The following LRP5 variants were observed in gnomAD, a reference collection of about 807,000 sequenced individuals.
The protein encoded by LRP5 is LDL receptor related protein 5.
A neutral mutation model predicts 154.1 loss-of-function variants in LRP5; 62 were observed. The ratio of observed to expected loss-of-function variants is 0.40; its 90% confidence interval spans 0.33 to 0.50. The LOEUF (loss-of-function observed/expected upper bound fraction) is 0.50, where lower values mean the gene tolerates loss of function less well. Ranked by LOEUF, LRP5 falls within the 20% of genes least tolerant of loss-of-function variation. The probability of loss-of-function intolerance (pLI) is 0.55; values close to 1 mark genes in which losing one functional copy is unlikely to be tolerated. For missense variants in LRP5, 1,915 were observed against 2,336.7 expected (o/e 0.82, Z 3.72); for synonymous variants, 966 against 1,011.5 (o/e 0.96, Z 0.85).
At chr11:68,401,560 A>G (rs867658386) in intron 7 of LRP5, among the ~76,000 whole-genome samples, 3 of 152,188 alleles carry the variant, frequency 2.0e-5, no homozygotes, top group Admixed American at 1.3e-4. Flanking sequence ...TGAGCCCCTC[A>G]GTTACAGGTG....
chr11:68,328,263 T>C (rs560159892), intron 1 of LRP5, among the ~76,000 whole-genome samples: 15 of 152,362 alleles, frequency 9.8e-5, no homozygotes, highest in African/African-American at 3.6e-4. Context: ...AAAGTAGAGC[T>C]GCCACGTTTT....
At chr11:68,429,178 C>T (rs989386853) in intron 16 of LRP5, among the ~76,000 whole-genome samples, 4 of 150,082 alleles carry the variant, frequency 2.7e-5, no homozygotes, top group Non-Finnish European at 3.0e-5. Context: ...GTTCGACCCA[C>T]GGAGATCAAG....
Position 68,413,793 on chromosome 11 carries a change from C to CG in LRP5, c.2611dup (p.Ala871GlyfsTer5), listed in dbSNP as rs762823842. 1 of 1,613,364 alleles carries CG rather than the reference C, an allele frequency of 6.2e-7. No homozygotes were observed. The highest frequency in any genetic ancestry group is 1.3e-5 in the African/African-American group (1 of 74,918). On this transcript the variant is annotated frameshift_variant, in exon 12 of 23. Coordinates refer to ENST00000294304, the MANE Select transcript of LRP5 (RefSeq NM_002335.4). LOFTEE classifies it high-confidence loss of function. This position sits in a 1 kb window ranked among gnomAD's most constrained non-coding sequence, Gnocchi z 5.1. ...AGACTGGAATCTGCACAGCATTGAG[C>CG]GGGCCGACAAGACTAGCGGCCGGAA...
At chr11:68,389,042 C>G (rs1017422816) in intron 6 of LRP5, among the ~76,000 whole-genome samples, 1 of 150,230 alleles carries the variant, frequency 6.7e-6, no homozygotes, top group Non-Finnish European at 1.5e-5. Flanking sequence ...TCTACCAACA[C>G]TGACATTTAC....
At chr11:68,380,609 G>A (rs58373012) in intron 5 of LRP5, among the ~76,000 whole-genome samples, 7,026 of 152,272 alleles carry the variant, frequency 0.046, 543 homozygotes, top group African/African-American at 0.16. Context: ...CTGCACGCAC[G>A]GCGGGCTGTT....
chr11:68,369,150 A>G (rs1344167470), intron 5 of LRP5, among the ~76,000 whole-genome samples: 5 of 152,140 alleles, frequency 3.3e-5, no homozygotes, highest in African/African-American at 1.2e-4. Flanking sequence ...TGCCTGAACA[A>G]TATCTTATCA....
intron 5 of LRP5, among the ~76,000 whole-genome samples, chr11:68,372,292 G>A (rs1469214164): frequency 6.9e-6 from 1 of 145,946 alleles, no homozygotes; most frequent in East Asian, 2.1e-4. Flanking sequence ...AGGCAGACCC[G>A]GGACTGTGGT....
At chr11:68,415,328 A>G (rs1173036092) in intron 12 of LRP5, among the ~76,000 whole-genome samples, 1 of 152,170 alleles carries the variant, frequency 6.6e-6, no homozygotes, top group Non-Finnish European at 1.5e-5. Flanking sequence ...TCCGCAGTTC[A>G]CTGGTGCACA....
At position 68,449,035 on chromosome 11, in the gene LRP5, C is replaced by T. The variant is rs774727824; in HGVS notation, c.4813C>T (p.Pro1605Ser). The T allele has an allele frequency of 6.3e-7, 1 of 1,583,058 alleles. No homozygotes were observed. The highest frequency in any genetic ancestry group is 8.6e-7 in the Non-Finnish European group (1 of 1,167,590). Reference sequence around the variant, plus strand: ...CGAGAGGAGCTACTTCCATCTCTTCCCGCCCCCTCCGTCCCCCTGCACGGA... The same window carrying T: ...CGAGAGGAGCTACTTCCATCTCTTCTCGCCCCCTCCGTCCCCCTGCACGGA... ...ATERSYFHLF[P>S]PPPSPCTDSS is the part of the protein sequence containing the mutation. The change falls in exon 23 of 23, where the codon CCG becomes TCG. Residue 1605 changes from proline (P) to serine (S), a missense_variant. This residue lies in a region of LRP5 where 1,094 missense variants were observed against 1,210.1 expected (regional missense o/e 0.90). Coordinates refer to ENST00000294304, the MANE Select transcript of LRP5 (RefSeq NM_002335.4).
intron 21 of LRP5, 87 bp from the exon 22 acceptor site, chr11:68,446,349 T>C: frequency 1.0e-6 from 1 of 965,646 alleles, no homozygotes; most frequent in Non-Finnish European, 1.7e-6. Flanking sequence ...AAGCCCTCTC[T>C]GCAAGGAAAG....
chr11:68,320,226 C>T (rs1230849635), intron 1 of LRP5, among the ~76,000 whole-genome samples: 1 of 152,194 alleles, frequency 6.6e-6, no homozygotes, highest in Non-Finnish European at 1.5e-5. Context: ...CAGTTCATAC[C>T]TGCAAGCATC....
Position 68,449,147 on chromosome 11 carries a change from A to G in LRP5, c.*77A>G. The G allele has an allele frequency of 8.8e-7, 1 of 1,134,422 alleles. No individual in the cohort carries two copies. The highest frequency in any genetic ancestry group is 1.1e-6 in the Non-Finnish European group (1 of 870,832). 70.3% of individuals were successfully genotyped at this position (1,134,422 alleles called of 1,614,324 possible). On this transcript the variant is annotated 3_prime_UTR_variant, in exon 23 of 23. Coordinates refer to ENST00000294304, the MANE Select transcript of LRP5 (RefSeq NM_002335.4). ...ATGAACAAAGAAAAAAATATATTTT[A>G]TGATTTAAAAAATAAATATAATTGG...
Position 68,431,867 on chromosome 11 carries a change from C to A in LRP5, c.3764-1735C>A, listed in dbSNP as rs1295892392. 2.7e-5 allele frequency among the ~76,000 whole-genome samples: 3 copies of A among 111,754 alleles called. No homozygotes were observed. In the Admixed American group the frequency reaches 2.9e-4, roughly 11 times the overall value. The allele number at this position is 111,754 out of a possible 152,430, so 73.3% of individuals were successfully genotyped here. A position where few individuals can be genotyped will look rare whatever the true frequency, so the allele number is the denominator to read the frequency against. ...AGAGGCCATGCCCTTCCATCCACCA[C>A]CCCCTGGCCTGGGCCCTGGCCCTCC... On this transcript the variant is annotated intron_variant, in intron 17 of 22. Transcript: ENST00000294304.
At chr11:68,338,806 A>C (rs771966505) in intron 1 of LRP5, among the ~76,000 whole-genome samples, 3 of 147,956 alleles carry the variant, frequency 2.0e-5, no homozygotes, top group African/African-American at 2.5e-5. Context: ...AATTATCTGC[A>C]TTCCCATTGG....
At chr11:68,436,623 G>A (rs1298043968) in intron 18 of LRP5, among the ~76,000 whole-genome samples, 1 of 152,140 alleles carries the variant, frequency 6.6e-6, no homozygotes, top group African/African-American at 2.4e-5. Context: ...CCTCCCCACA[G>A]TAGGCACCTG....
In LRP5 at chr11:68,432,146, C is replaced by T. The variant is rs1422110495; in HGVS notation, c.3764-1456C>T. Among the ~76,000 whole-genome samples, 4 of 152,214 alleles carry T rather than the reference C, an allele frequency of 2.6e-5. No individual in the cohort carries two copies. The East Asian group carries it at 7.7e-4, about 29-fold the overall frequency. On this transcript the variant is annotated intron_variant, in intron 17 of 22. Coordinates refer to ENST00000294304, the MANE Select transcript of LRP5 (RefSeq NM_002335.4). ...GCCGGGCGCGCCCCTGGCTCTGGCC[C>T]CAGTGTCCCAGTTACAGCTCACAGG...
chr11:68,409,907 C>T lies in LRP5; in HGVS notation c.2092-7C>T. 6.2e-7 allele frequency: 1 copy of T among 1,610,100 alleles called. No homozygotes were observed. Among genetic ancestry groups the T allele is most frequent in the East Asian group, 2.2e-5 (1 of 44,844 alleles). On this transcript the variant is annotated splice_polypyrimidine_tract_variant and splice_region_variant and intron_variant, in intron 9 of 22. Transcript: ENST00000294304. ...ATGTGGCCCTTTTCCTCCTCACCTG[C>T]TGCCAGACCATCAGCCGCGCCTTCA...
intron 9 of LRP5, among the ~76,000 whole-genome samples, chr11:68,408,635 A>G (rs1311822191): frequency 6.6e-6 from 1 of 152,068 alleles, no homozygotes; most frequent in Non-Finnish European, 1.5e-5. Flanking sequence ...TTTTCACTTG[A>G]CATTACAACA....
intron 18 of LRP5, 95 bp downstream of exon 18, chr11:68,433,933 T>A: frequency 8.2e-7 from 1 of 1,214,812 alleles, no homozygotes; most frequent in Non-Finnish European, 1.2e-6. Flanking sequence ...GAGTAGGGGC[T>A]CTGAAAACCT....
Sources: allele counts gnomAD v4.1 joint callset (sites outside exome capture counted in the v4.1 genomes callset), GRCh38; gene constraint gnomAD v4.1.1; regional missense constraint gnomAD v4.1.1; non-coding constraint Gnocchi (gnomAD v3.1); transcripts MANE v1.5; gene names NCBI Gene and HGNC (gene_info 2026-07-23, HGNC 2026-07-21).